Variants in SSH1 observed in about 807,000 individuals in gnomAD.
SSH1 encodes slingshot protein phosphatase 1.
Under a neutral mutation model 79.7 loss-of-function variants are expected in SSH1, and 43 were observed. The ratio of observed to expected loss-of-function variants is 0.54; its 90% CI spans 0.42 to 0.70. SSH1 has a LOEUF of 0.70. SSH1 is among the 30% of genes least tolerant of loss of function. The pLI is 0.00. For missense variants in SSH1, 1,206 were observed against 1,358.8 expected (o/e 0.89, Z 1.77); for synonymous variants, 599 against 538.3 (o/e 1.11, Z -1.56).
chr12:108,793,326 A>G (rs2036597940), intron 13 of SSH1, among the ~76,000 whole-genome samples: 1 of 152,170 alleles, frequency 6.6e-6, no homozygotes, highest in Non-Finnish European at 1.5e-5. Context: ...GGAAAACTAG[A>G]AAGTATTTGT....
chr12:108,815,433 C>T (rs1373624955), intron 5 of SSH1, among the ~76,000 whole-genome samples: 1 of 152,202 alleles, frequency 6.6e-6, no homozygotes, highest in Non-Finnish European at 1.5e-5. Flanking sequence ...GGCCGATTTC[C>T]GTTCGGGATC....
At chr12:108,842,599 G>A (rs1341635857) in intron 2 of SSH1, among the ~76,000 whole-genome samples, 1 of 152,198 alleles carries the variant, frequency 6.6e-6, no homozygotes, top group Non-Finnish European at 1.5e-5. Flanking sequence ...TACAGCTCAG[G>A]GAGTTGACGG....
At chr12:108,818,402 A>G (rs530825736) in intron 3 of SSH1, 89 bp from the exon 4 acceptor site, 2 of 1,203,954 alleles carry the variant, frequency 1.7e-6, no homozygotes, top group Admixed American at 3.9e-5. Flanking sequence ...GAGGGCTTGG[A>G]AAAAGATTGA....
chr12:108,830,077 A>C (rs2038436418), intron 2 of SSH1, among the ~76,000 whole-genome samples: 2 of 152,176 alleles, frequency 1.3e-5, no homozygotes, highest in South Asian at 4.1e-4. Flanking sequence ...ACTGCACTCC[A>C]ACCTGGGAGA....
At chr12:108,823,233 A>C (rs1421000477) in intron 3 of SSH1, 25 bp downstream of exon 3, 1 of 1,509,634 alleles carries the variant, frequency 6.6e-7, no homozygotes, top group Non-Finnish European at 9.0e-7. Context: ...GCTCCAATGT[A>C]AGAGTATCAA....
At position 108,788,883 on chromosome 12, in the gene SSH1, G is replaced by A; in HGVS notation, c.2255C>T (p.Pro752Leu). ...AGAATTCTTCAAAAGGAGGGACTTT[G>A]GCAGGACTTTTGGGGTCTCTCTGGA... The part of the protein sequence containing the change: ...EPSRETPKVL[P>L]KSLLLKNSHC... Residue 752 changes from proline (P) to leucine (L), a missense_variant, in exon 15 of 15, where the codon CCA becomes CTA. Physicochemically the swap from Pro to Leu is moderately conservative, Grantham distance 98 (BLOSUM62 -3). This residue lies in a region of SSH1 where 709 missense variants were observed against 730.6 expected (regional missense o/e 0.97). Coordinates refer to ENST00000326495, the MANE Select transcript of SSH1 (RefSeq NM_018984.4). The A allele has an allele frequency of 1.2e-6, 2 of 1,614,220 alleles. No homozygotes were observed. Among genetic ancestry groups the A allele is most frequent in the Non-Finnish European group, 1.7e-6 (2 of 1,180,048 alleles).
intron 14 of SSH1, among the ~76,000 whole-genome samples, chr12:108,790,304 C>A (rs1347558376): frequency 1.3e-5 from 2 of 152,116 alleles, no homozygotes; most frequent in African/African-American, 4.8e-5. Context: ...GCATGCACCA[C>A]CACAGCCAGC....
chr12:108,849,815 TGGAGGGGAGCCAGGGGAGGAGGCATGGG>T (rs2038977371), intron 2 of SSH1, among the ~76,000 whole-genome samples: 1 of 79,566 alleles, frequency 1.3e-5, no homozygotes, highest in South Asian at 4.5e-4. Context: ...AAGAAAGGGC[TGGAGGGGAGCCAGGGGAGGAGGCATGGG>T]GGAGGGGACC....
At chr12:108,827,671 G>T in intron 2 of SSH1, 3 of 745,400 alleles carry the variant, frequency 4.0e-6, no homozygotes, top group Non-Finnish European at 5.3e-6. Flanking sequence ...ACCGGGGTGT[G>T]CATTCGACAT....
At chr12:108,848,833 A>G (rs750934967) in intron 2 of SSH1, among the ~76,000 whole-genome samples, 37 of 151,702 alleles carry the variant, frequency 2.4e-4, no homozygotes, top group Admixed American at 3.9e-4. Context: ...TGTGGTCACA[A>G]TGGTGTTGGG....
chr12:108,842,366 A>G (rs986915289), intron 2 of SSH1, among the ~76,000 whole-genome samples: 2 of 152,214 alleles, frequency 1.3e-5, no homozygotes, highest in African/African-American at 4.8e-5. Context: ...GAATCACAGC[A>G]GCCTGCATTC....
chr12:108,839,442 G>A (rs1312721128), intron 2 of SSH1, among the ~76,000 whole-genome samples: 1 of 152,202 alleles, frequency 6.6e-6, no homozygotes. Context: ...ATTTCCAGAT[G>A]CTGCAGCCAG....
rs2037594557 is a variant in SSH1, at chr12:108,811,488, G to T, written c.402-160C>A. ...CACTGATGAATTCTAGAAGACACAG[G>T]TCTGGGATGGCCCTGTGGACACAAC... On this transcript the variant is annotated intron_variant, in intron 5 of 14. Transcript: ENST00000326495. 5.6e-6 allele frequency: 4 copies of T among 709,086 alleles called. No homozygotes were observed. In the South Asian group the frequency reaches 6.1e-5, roughly 11 times the overall value. The allele number at this position is 709,086 out of a possible 1,614,324, so 43.9% of individuals were successfully genotyped here. A position where few individuals can be genotyped will look rare whatever the true frequency, so the allele number is the denominator to read the frequency against.
Position 108,807,713 on chromosome 12 carries a change from C to G in SSH1, c.651G>C (p.Glu217Asp). 1.9e-6 allele frequency: 3 copies of G among 1,613,492 alleles called. No individual in the cohort carries two copies. The highest frequency in any genetic ancestry group is 2.5e-6 in the Non-Finnish European group (3 of 1,179,584). ...ATYYESCISS[E>D]QSCINEWNAM... The stretch of plus-strand genomic sequence containing the variant: ...CGTTCCACTCGTTGATGCAGCTCTG[C>G]TCGGAGCTGATGCAGCTCTCATAGT... The change falls in exon 8 of 15, where the codon GAG becomes GAC. Residue 217 changes from glutamate to aspartate, a missense_variant. By Grantham distance (45) the Glu-to-Asp change is conservative. This residue lies in a region of SSH1 where 116 missense variants were observed against 109.0 expected (regional missense o/e 1.06). Coordinates refer to ENST00000326495, the MANE Select transcript of SSH1 (RefSeq NM_018984.4). This position sits in a 1 kb window ranked among gnomAD's most constrained non-coding sequence, Gnocchi z 5.2.
intron 2 of SSH1, among the ~76,000 whole-genome samples, chr12:108,841,301 G>A (rs937302121): frequency 6.6e-5 from 10 of 152,384 alleles, no homozygotes; most frequent in African/African-American, 2.4e-4. Flanking sequence ...CTCACGCAAT[G>A]TGCTAAGTGC....
chr12:108,822,524 G>A lies in SSH1; in HGVS notation c.214+734C>T, dbSNP rs116681030. On this transcript the variant is annotated intron_variant, in intron 3 of 14. Coordinates refer to ENST00000326495, the MANE Select transcript of SSH1 (RefSeq NM_018984.4). Reference sequence around the variant, plus strand: ...TGCAGTGGCGTGATCCTAGCTTGCTGCAGCCTCAAACTCCTGGGCTCAAGC... The same window carrying A: ...TGCAGTGGCGTGATCCTAGCTTGCTACAGCCTCAAACTCCTGGGCTCAAGC... 7.0e-3 allele frequency among the ~76,000 whole-genome samples: 1,050 copies of A among 150,438 alleles called. 15 individuals are homozygous for A. Among genetic ancestry groups the A allele is most frequent in the African/African-American group, 0.024 (1,000 of 40,928 alleles).
Position 108,807,744 on chromosome 12 carries a change from G to A in SSH1, c.620C>T (p.Ala207Val), listed in dbSNP as rs2037359706. ...GCTGATGCAGCTCTCATAGTAGGTA[G>A]CCCAGATGAGAGCTACACCCCCGGG... Reference protein sequence around the residue: ...YFPGGVALIWATYYESCISSE... With the variant: ...YFPGGVALIWVTYYESCISSE... Residue 207 changes from alanine (A) to valine (V), a missense_variant, in exon 8 of 15, where the codon GCT becomes GTT. Physicochemically the swap from Ala to Val is moderately conservative, Grantham distance 64. Transcript: ENST00000326495. This position sits in a 1 kb window ranked among gnomAD's most constrained non-coding sequence, Gnocchi z 5.2. 2 of 1,613,400 alleles carry A rather than the reference G, an allele frequency of 1.2e-6. No individual in the cohort carries two copies. The highest frequency in any genetic ancestry group is 1.7e-5 in the Admixed American group (1 of 59,956).
intron 2 of SSH1, among the ~76,000 whole-genome samples, chr12:108,824,260 A>G (rs939583297): frequency 1.6e-4 from 24 of 152,008 alleles, no homozygotes; most frequent in Non-Finnish European, 1.2e-4. Context: ...TCTGGCCAAC[A>G]TGGTGAAACC....
intron 2 of SSH1, among the ~76,000 whole-genome samples, chr12:108,844,041 T>C (rs78507953): frequency 0.011 from 1,625 of 152,228 alleles, 31 homozygotes; most frequent in African/African-American, 0.037. Flanking sequence ...CAACAGAAGC[T>C]GTTACCATGA....
Sources: gnomAD v4.1 joint callset for allele counts (sites outside exome capture counted in the v4.1 genomes callset) on GRCh38, gnomAD v4.1.1 for gene constraint, gnomAD v4.1.1 regional missense constraint, Gnocchi (gnomAD v3.1) non-coding constraint, MANE v1.5 for transcripts, NCBI Gene and HGNC (gene_info 2026-07-23, HGNC 2026-07-21) for gene names.